The following EPHA7 variants were observed in gnomAD, a reference collection of about 807,000 sequenced individuals.
The protein encoded by EPHA7 is EPH receptor A7.
Under a neutral mutation model 112.6 loss-of-function variants are expected in EPHA7, and 25 were observed. That is an observed-to-expected ratio of 0.22 (90% confidence interval 0.16 to 0.31). EPHA7 has a LOEUF of 0.31. Among genes scored for constraint, EPHA7 ranks in the 10% least tolerant of loss-of-function variants. The probability of loss-of-function intolerance (pLI) is 1.00; values close to 1 mark genes in which losing one functional copy is unlikely to be tolerated. For missense variants in EPHA7, 962 were observed against 1,212.6 expected (o/e 0.79, Z 3.07); for synonymous variants, 437 against 406.5 (o/e 1.07, Z -0.90).
At chr6:93,316,664 T>C (rs1773828575) in intron 5 of EPHA7, among the ~76,000 whole-genome samples, 1 of 152,250 alleles carries the variant, frequency 6.6e-6, no homozygotes, top group East Asian at 1.9e-4. Context: ...GAAATTACTT[T>C]CTATATTAAC....
intron 3 of EPHA7, among the ~76,000 whole-genome samples, chr6:93,383,065 G>T (rs1484592351): frequency 1.3e-5 from 2 of 151,980 alleles, no homozygotes; most frequent in Non-Finnish European, 2.9e-5. Context: ...TCATTTAAAA[G>T]AAAATCTCCA....
chr6:93,297,548 G>T (rs548048640), intron 5 of EPHA7, among the ~76,000 whole-genome samples: 1 of 152,016 alleles, frequency 6.6e-6, no homozygotes, highest in East Asian at 1.9e-4. Flanking sequence ...TTTATAATTG[G>T]TTTAGTTCTA....
At chr6:93,299,666 A>G (rs565804992) in intron 5 of EPHA7, among the ~76,000 whole-genome samples, 4 of 152,316 alleles carry the variant, frequency 2.6e-5, no homozygotes, top group Admixed American at 2.0e-4. Flanking sequence ...TCTTTCTACC[A>G]TAAAGACAAA....
intron 3 of EPHA7, among the ~76,000 whole-genome samples, chr6:93,394,154 T>A (rs1217063953): frequency 6.6e-6 from 1 of 151,840 alleles, no homozygotes; most frequent in African/African-American, 2.4e-5. Flanking sequence ...TTACAACTAC[T>A]AACAATAACA....
chr6:93,355,678 A>T (rs1775909345), intron 5 of EPHA7, among the ~76,000 whole-genome samples: 1 of 152,200 alleles, frequency 6.6e-6, no homozygotes, highest in Non-Finnish European at 1.5e-5. Context: ...CTTCAGCAGT[A>T]AGATTTTTCT....
At chr6:93,295,240 CAACCAGCCGTTT>C (rs1305161621) in intron 5 of EPHA7, among the ~76,000 whole-genome samples, 1 of 151,966 alleles carries the variant, frequency 6.6e-6, no homozygotes, top group African/African-American at 2.4e-5. Context: ...ATCTGCAGTT[CAACCAGCCGTTT>C]ATGAAATTTT....
chr6:93,272,500 C>T, intron 5 of EPHA7, 78 bp from the exon 6 acceptor site: 1 of 1,553,354 alleles, frequency 6.4e-7, no homozygotes, highest in Non-Finnish European at 8.8e-7. Flanking sequence ...ACTGATCAGT[C>T]CCATGCTGTG....
At chr6:93,409,166 G>A (rs995376528) in intron 3 of EPHA7, among the ~76,000 whole-genome samples, 5 of 152,076 alleles carry the variant, frequency 3.3e-5, no homozygotes, top group African/African-American at 1.2e-4. Flanking sequence ...ACTAGAATGA[G>A]AATTTTATGG....
intron 5 of EPHA7, among the ~76,000 whole-genome samples, chr6:93,348,814 A>G (rs1582568305): frequency 6.6e-6 from 1 of 151,980 alleles, no homozygotes; most frequent in South Asian, 2.1e-4. Context: ...CAGCCAACAA[A>G]TATTTACTAA....
intron 5 of EPHA7, among the ~76,000 whole-genome samples, chr6:93,332,172 G>A (rs1481018766): frequency 2.6e-5 from 4 of 151,596 alleles, no homozygotes; most frequent in Admixed American, 6.6e-5. Flanking sequence ...TTGCTTGTCA[G>A]CATCATGGCT....
intron 5 of EPHA7, among the ~76,000 whole-genome samples, chr6:93,322,078 T>C (rs2127885719): frequency 6.6e-6 from 1 of 151,896 alleles, no homozygotes; most frequent in South Asian, 2.1e-4. Flanking sequence ...CAAGGCTCAA[T>C]ATGTCATAAG....
At chr6:93,393,395 A>T (rs538344899) in intron 3 of EPHA7, among the ~76,000 whole-genome samples, 159 of 151,974 alleles carry the variant, frequency 1.0e-3, no homozygotes, top group Non-Finnish European at 2.0e-3. Flanking sequence ...TTAAATTAGT[A>T]TATGAAATAT....
intron 5 of EPHA7, among the ~76,000 whole-genome samples, chr6:93,275,129 A>G (rs1000486918): frequency 1.3e-5 from 2 of 151,932 alleles, no homozygotes; most frequent in African/African-American, 4.8e-5. Flanking sequence ...AATGAATTAT[A>G]CAAATGAAAT....
intron 6 of EPHA7, among the ~76,000 whole-genome samples, chr6:93,271,156 T>C (rs1771199172): frequency 6.6e-6 from 1 of 151,898 alleles, no homozygotes; most frequent in South Asian, 2.1e-4. Flanking sequence ...GTTGGGACGA[T>C]AAATGAAGCA....
intron 5 of EPHA7, among the ~76,000 whole-genome samples, chr6:93,331,755 C>A (rs1774605225): frequency 6.6e-6 from 1 of 151,520 alleles, no homozygotes; most frequent in African/African-American, 2.4e-5. Flanking sequence ...CCATATTATA[C>A]CTTGTTTAGT....
chr6:93,257,243 T>C (rs1456209468), intron 12 of EPHA7, among the ~76,000 whole-genome samples: 1 of 152,092 alleles, frequency 6.6e-6, no homozygotes, highest in Non-Finnish European at 1.5e-5. Context: ...ATAATATTAA[T>C]GGAAATAACT....
chr6:93,314,137 T>C (rs1433605145), intron 5 of EPHA7, among the ~76,000 whole-genome samples: 1 of 152,178 alleles, frequency 6.6e-6, no homozygotes, highest in African/African-American at 2.4e-5. Flanking sequence ...GCCTTGTTTT[T>C]ATAAGGTATT....
At chr6:93,272,555 A>G in intron 5 of EPHA7, 133 bp from the exon 6 acceptor site, 2 of 992,526 alleles carry the variant, frequency 2.0e-6, no homozygotes, top group Non-Finnish European at 2.9e-6. Context: ...ATAGCTCACA[A>G]TTCAGAAGCT....
chr6:93,260,808 A>T, intron 9 of EPHA7: 1 of 891,540 alleles, frequency 1.1e-6, no homozygotes, highest in Non-Finnish European at 1.3e-6. Flanking sequence ...ACAACACGAG[A>T]AGAAAAGAGA....
Sources: gnomAD v4.1 joint callset for allele counts (sites outside exome capture counted in the v4.1 genomes callset) on GRCh38, gnomAD v4.1.1 for gene constraint, MANE v1.5 for transcripts, NCBI Gene and HGNC (gene_info 2026-07-23, HGNC 2026-07-21) for gene names.